Variants in ZNF385D observed in about 807,000 individuals in gnomAD.
ZNF385D encodes zinc finger protein 385D.
A neutral mutation model predicts 35.8 loss-of-function variants in ZNF385D; 15 were observed. That is an observed-to-expected ratio of 0.42 (90% CI 0.28 to 0.64). The LOEUF (loss-of-function observed/expected upper bound fraction) is 0.64. ZNF385D is among the 30% of genes least tolerant of loss of function. The pLI is 0.23. For synonymous variants in ZNF385D, 212 were observed against 186.8 expected, an observed-to-expected ratio of 1.13 and a Z score of -1.10; for missense variants, 474 against 494.6, an observed-to-expected ratio of 0.96 and a Z score of 0.39.
At chr3:21,505,908 T>G (rs1473657978) in intron 4 of ZNF385D, among the ~76,000 whole-genome samples, 7 of 152,184 alleles carry the variant, frequency 4.6e-5, no homozygotes, top group African/African-American at 1.7e-4. Flanking sequence ...ATATGTATAC[T>G]TGGCCAACCG....
At chr3:21,941,522 G>C (rs1186236242) in intron 3 of ZNF385D, among the ~76,000 whole-genome samples, 3 of 115,962 alleles carry the variant, frequency 2.6e-5, no homozygotes, top group East Asian at 2.7e-4. Flanking sequence ...TTTTGAGATG[G>C]AGTCTCACTC....
intron 1 of ZNF385D, among the ~76,000 whole-genome samples, chr3:21,718,276 A>G (rs886121469): frequency 6.6e-6 from 1 of 152,044 alleles, no homozygotes; most frequent in African/African-American, 2.4e-5. Flanking sequence ...TCCTACTCAG[A>G]CTCCACTCTG....
chr3:22,035,767 T>G (rs769529058), intron 3 of ZNF385D, among the ~76,000 whole-genome samples: 1 of 152,170 alleles, frequency 6.6e-6, no homozygotes, highest in African/African-American at 2.4e-5. Flanking sequence ...CATTCTAAGA[T>G]GCAGAATGTA....
At chr3:21,767,537 A>T (rs2070883454) in intron 3 of ZNF385D, among the ~76,000 whole-genome samples, 1 of 152,062 alleles carries the variant, frequency 6.6e-6, no homozygotes, top group Admixed American at 6.6e-5. Context: ...AGACTCCTGA[A>T]GACAGAGCCA....
chr3:22,118,852 G>A (rs1702941316), intron 3 of ZNF385D, among the ~76,000 whole-genome samples: 1 of 151,980 alleles, frequency 6.6e-6, no homozygotes, highest in Admixed American at 6.6e-5. Context: ...ACAAATTTGA[G>A]CATTTCACAT....
intron 4 of ZNF385D, among the ~76,000 whole-genome samples, chr3:21,473,001 CCA>C (rs1271702077): frequency 3.3e-5 from 5 of 151,958 alleles, no homozygotes; most frequent in African/African-American, 9.7e-5. Context: ...ACTTCTATTC[CCA>C]CACTGTTCCA....
At chr3:21,813,029 G>A (rs543894708) in intron 3 of ZNF385D, among the ~76,000 whole-genome samples, 1 of 152,188 alleles carries the variant, frequency 6.6e-6, no homozygotes, top group South Asian at 2.1e-4. Context: ...AACATTTGCT[G>A]TTCTGCAATA....
intron 3 of ZNF385D, among the ~76,000 whole-genome samples, chr3:21,939,391 A>C (rs1442162708): frequency 6.6e-6 from 1 of 152,164 alleles, no homozygotes. Flanking sequence ...TGAAAATGGA[A>C]TCAAAACATA....
chr3:22,287,478 T>C (rs1702084658), intron 2 of ZNF385D, among the ~76,000 whole-genome samples: 1 of 152,018 alleles, frequency 6.6e-6, no homozygotes, highest in Non-Finnish European at 1.5e-5. Flanking sequence ...GCTTAATGGT[T>C]CTCTCTAATG....
intron 3 of ZNF385D, among the ~76,000 whole-genome samples, chr3:22,079,528 A>G (rs955302791): frequency 5.3e-5 from 8 of 152,022 alleles, no homozygotes; most frequent in African/African-American, 1.9e-4. Context: ...ACCAATTAGT[A>G]GATGATTAGG....
At chr3:21,742,458 T>C (rs888571911) in intron 1 of ZNF385D, among the ~76,000 whole-genome samples, 6 of 152,226 alleles carry the variant, frequency 3.9e-5, no homozygotes, top group African/African-American at 7.2e-5. Context: ...CTTTGGCCAA[T>C]TTGTCCTGAG....
At chr3:22,171,218 C>A (rs1219361595) in intron 2 of ZNF385D, among the ~76,000 whole-genome samples, 1 of 152,184 alleles carries the variant, frequency 6.6e-6, no homozygotes, top group African/African-American at 2.4e-5. Flanking sequence ...CAGAGATAGT[C>A]ACAGTAGGTG....
intron 3 of ZNF385D, among the ~76,000 whole-genome samples, chr3:21,922,248 G>A (rs967856227): frequency 1.3e-5 from 2 of 151,184 alleles, no homozygotes; most frequent in South Asian, 4.2e-4. Context: ...TTCCTATCAA[G>A]CTACCAACAC....
At chr3:22,369,813 A>G (rs1696818581) in intron 2 of ZNF385D, among the ~76,000 whole-genome samples, 1 of 152,172 alleles carries the variant, frequency 6.6e-6, no homozygotes, top group African/African-American at 2.4e-5. Flanking sequence ...AAACCTCAAA[A>G]TCTTTATAGA....
chr3:22,227,395 T>C (rs1035942651), intron 2 of ZNF385D, among the ~76,000 whole-genome samples: 1 of 151,980 alleles, frequency 6.6e-6, no homozygotes, highest in Non-Finnish European at 1.5e-5. Flanking sequence ...TCAGAGAGGG[T>C]CCTACTCCAT....
intron 2 of ZNF385D, among the ~76,000 whole-genome samples, chr3:21,582,421 T>A (rs2063693766): frequency 6.6e-6 from 1 of 152,188 alleles, no homozygotes; most frequent in Non-Finnish European, 1.5e-5. Flanking sequence ...CTATTTTTAA[T>A]TCCCACCAAA....
chr3:21,878,498 CTA>C (rs1230452972), intron 3 of ZNF385D, among the ~76,000 whole-genome samples: 2 of 151,136 alleles, frequency 1.3e-5, no homozygotes, highest in Non-Finnish European at 3.0e-5. Context: ...CGTTGAAAAT[CTA>C]TTTTGTGTTT....
At chr3:22,220,253 C>T (rs1277249465) in intron 2 of ZNF385D, among the ~76,000 whole-genome samples, 1 of 151,844 alleles carries the variant, frequency 6.6e-6, no homozygotes, top group African/African-American at 2.4e-5. Context: ...TTCATAGAGA[C>T]AAGATCTCAC....
At chr3:22,367,169 C>A (rs1055003620) in intron 2 of ZNF385D, among the ~76,000 whole-genome samples, 1 of 152,132 alleles carries the variant, frequency 6.6e-6, no homozygotes, top group Non-Finnish European at 1.5e-5. Flanking sequence ...AGGTACTAGA[C>A]TATTCGAAAC....
Sources: gnomAD v4.1 joint callset for allele counts (sites outside exome capture counted in the v4.1 genomes callset) on GRCh38, gnomAD v4.1.1 for gene constraint, MANE v1.5 for transcripts, NCBI Gene and HGNC (gene_info 2026-07-23, HGNC 2026-07-21) for gene names.